The following PPIE variants were observed in gnomAD, a reference collection of about 807,000 sequenced individuals.
PPIE encodes peptidylprolyl isomerase E.
Under a neutral mutation model 38.4 loss-of-function variants are expected in PPIE, and 20 were observed. That is an observed-to-expected ratio of 0.52 (90% CI 0.37 to 0.76). The LOEUF is 0.76. Ranked by LOEUF, PPIE falls within the 30% of genes least tolerant of loss-of-function variation. PPIE has a pLI of 0.00. For synonymous variants in PPIE, 142 were observed against 135.7 expected (o/e 1.05, Z -0.32); for missense variants, 322 against 385.8 (o/e 0.83, Z 1.39).
At chr1:39,763,248 T>C in intron 9 of PPIE, 25 of 1,543,660 alleles carry the variant, frequency 1.6e-5, no homozygotes, top group Non-Finnish European at 2.2e-5. Context: ...TGCCCCTCCC[T>C]GAGCCTCAGG....
rs747872958 is a variant in PPIE, at chr1:39,749,080, C to T, written c.686C>T (p.Thr229Met). 10 of 1,599,326 alleles carry T rather than the reference C, an allele frequency of 6.3e-6. No homozygotes were observed. The highest frequency in any genetic ancestry group is 2.7e-5 in the African/African-American group (2 of 74,336). Reference sequence around the variant, plus strand: ...GATGAAAACTTTATCCTCAAGCATACGGGACCAGGTAGGAGCCAGTTGGCA... The same window carrying T: ...GATGAAAACTTTATCCTCAAGCATATGGGACCAGGTAGGAGCCAGTTGGCA... ...FDDENFILKH[T>M]GPGLLSMANS... The change falls in exon 8 of 10, where the codon ACG becomes ATG. Residue 229 changes from threonine to methionine, a missense_variant. Physicochemically the swap from Thr to Met is moderately conservative, Grantham distance 81. Coordinates refer to ENST00000324379, the MANE Select transcript of PPIE (RefSeq NM_006112.4).
At position 39,753,567 on chromosome 1, in the gene PPIE, G is replaced by C; in HGVS notation, c.*212G>C. ...AGCTGTGGGCCCAGGAGCCAGCTCA[G>C]GTGCTCCCCTCCACCATGGGCAGGC... On this transcript the variant is annotated 3_prime_UTR_variant, in exon 10 of 10. Coordinates refer to ENST00000324379, the MANE Select transcript of PPIE (RefSeq NM_006112.4). 1.4e-6 allele frequency: 2 copies of C among 1,389,304 alleles called. No homozygotes were observed. The allele number at this position is 1,389,304 out of a possible 1,614,324, so 86.1% of individuals were successfully genotyped here.
In PPIE at chr1:39,755,533, GGTCA is replaced by G. The variant is rs1648174746; in HGVS notation, c.*2183_*2186del. 2.0e-6 allele frequency: 2 copies of G among 985,294 alleles called. No homozygotes were observed. The highest frequency in any genetic ancestry group is 1.2e-4 in the Admixed American group (2 of 16,262). The allele number at this position is 985,294 out of a possible 1,614,324, so 61.0% of individuals were successfully genotyped here. A position where few individuals can be genotyped will look rare whatever the true frequency, so the allele number is the denominator to read the frequency against. On this transcript the variant is annotated 3_prime_UTR_variant, in exon 10 of 10. Coordinates refer to ENST00000324379, the MANE Select transcript of PPIE (RefSeq NM_006112.4). ...CTGAGTGCAAATAATGGCCATCAGA[GGTCA>G]GTCACAGGTGTTAGGCAGGCATCTA... is the stretch of plus-strand genomic sequence containing the variant.
At chr1:39,747,462 T>A (rs1423707226) in intron 7 of PPIE, 1 of 140,066 alleles carries the variant, frequency 7.1e-6, no homozygotes, top group Non-Finnish European at 1.5e-5. Flanking sequence ...TCTCTTTTTT[T>A]TTTTTTTTTT....
At chr1:39,739,790 C>T (rs1372849479) in intron 1 of PPIE, among the ~76,000 whole-genome samples, 1 of 152,148 alleles carries the variant, frequency 6.6e-6, no homozygotes, top group African/African-American at 2.4e-5. Flanking sequence ...GAGGTGGGTA[C>T]TGCTAAGGAG....
chr1:39,742,149 T>C, intron 4 of PPIE: 1 of 525,342 alleles, frequency 1.9e-6, no homozygotes, highest in Non-Finnish European at 3.4e-6. Context: ...TGTTGACCAG[T>C]CTCTCACTGG....
Position 39,754,111 on chromosome 1 carries a change from C to T in PPIE, c.*756C>T, listed in dbSNP as rs761398664. 9.5e-5 allele frequency: 92 copies of T among 964,416 alleles called. No homozygotes were observed. Among genetic ancestry groups the T allele is most frequent in the Non-Finnish European group, 1.1e-4 (90 of 810,976 alleles). The allele number at this position is 964,416 out of a possible 1,614,324, so 59.7% of individuals were successfully genotyped here. ...ACAGGAAGCCAACAAACTACATGTG[C>T]CTAATCCAGCCCACTGCCTGTTTTT... On this transcript the variant is annotated 3_prime_UTR_variant, in exon 10 of 10. Transcript: ENST00000324379.
chr1:39,753,628 T>A lies in PPIE; in HGVS notation c.*273T>A. The stretch of plus-strand genomic sequence containing the variant: ...GCCACTGGCTTTTCTCAGCATTTGC[T>A]GCTGGGCCTCTCCTGGGACTACCAG... On this transcript the variant is annotated 3_prime_UTR_variant, in exon 10 of 10. Transcript: ENST00000324379. 1 of 1,307,764 alleles carries A rather than the reference T, an allele frequency of 7.6e-7. No homozygotes were observed. The highest frequency in any genetic ancestry group is 9.7e-7 in the Non-Finnish European group (1 of 1,030,170). The allele number at this position is 1,307,764 out of a possible 1,614,324, so 81.0% of individuals were successfully genotyped here. A position where few individuals can be genotyped will look rare whatever the true frequency, so the allele number is the denominator to read the frequency against.
In PPIE at chr1:39,755,385, G is replaced by C. The variant is rs1048636405; in HGVS notation, c.*2030G>C. 41 of 985,354 alleles carry C rather than the reference G, an allele frequency of 4.2e-5. No homozygotes were observed. The highest frequency in any genetic ancestry group is 4.5e-5 in the Non-Finnish European group (37 of 829,946). 61.0% of individuals were successfully genotyped at this position (985,354 alleles called of 1,614,324 possible). ...GGCTCCCATGTGCCGACTGGACTTT[G>C]TGAGCTCCAGCTGCTACAGTTGACT... On this transcript the variant is annotated 3_prime_UTR_variant, in exon 10 of 10. Coordinates refer to ENST00000324379, the MANE Select transcript of PPIE (RefSeq NM_006112.4).
At chr1:39,743,545 A>G (rs1041796447) in intron 5 of PPIE, among the ~76,000 whole-genome samples, 1 of 152,158 alleles carries the variant, frequency 6.6e-6, no homozygotes, top group Admixed American at 6.5e-5. Context: ...CATCTTTCCC[A>G]GTTTTCTTGA....
In PPIE at chr1:39,755,272, G is replaced by A. The variant is rs1158180474; in HGVS notation, c.*1917G>A. ...CTTTTGCATCTTGGATTGAGATCTG[G>A]ATGAGCCAGGAGGCAGGAGAGGCTA... On this transcript the variant is annotated 3_prime_UTR_variant, in exon 10 of 10. Transcript: ENST00000324379. 1.0e-6 allele frequency: 1 copy of A among 985,356 alleles called. No homozygotes were observed. The highest frequency in any genetic ancestry group is 1.2e-6 in the Non-Finnish European group (1 of 829,948). 61.0% of individuals were successfully genotyped at this position (985,356 alleles called of 1,614,324 possible).
intron 8 of PPIE, among the ~76,000 whole-genome samples, chr1:39,749,659 A>G (rs943965111): frequency 2.0e-4 from 30 of 151,942 alleles, no homozygotes; most frequent in African/African-American, 7.0e-4. Flanking sequence ...CTTTCTTCCA[A>G]TTACAGGGGA....
rs1308469919 is a variant in PPIE at position 39,740,282 on chromosome 1, C to T, written c.130+19C>T. On this transcript the variant is annotated intron_variant, in intron 2 of 9. Transcript: ENST00000324379. ...GAAACAGGTGAGTTAGTGTCTCTCA[C>T]GTTCAGAATCCTCTTACTAGGAAAA... 1.3e-5 allele frequency: 21 copies of T among 1,574,676 alleles called. No homozygotes were observed. The highest frequency in any genetic ancestry group is 1.7e-5 in the Non-Finnish European group (20 of 1,148,576).
Position 39,743,852 on chromosome 1 carries a change from G to C in PPIE, c.312G>C (p.Lys104Asn), listed in dbSNP as rs775953205. 1 of 1,613,938 alleles carries C rather than the reference G, an allele frequency of 6.2e-7. No homozygotes were observed. Among genetic ancestry groups the C allele is most frequent in the South Asian group, 1.1e-5 (1 of 91,076 alleles). Residue 104 changes from lysine to asparagine, a missense_variant, in exon 6 of 10, where the codon AAG becomes AAC. Physicochemically the swap from Lys to Asn is moderately conservative, Grantham distance 94. Transcript: ENST00000324379. ...GGTCAGATGATGACTGGTTGAAGAA[G>C]TTTTCTGGGAAGACGCTTGAAGAGA... is the stretch of plus-strand genomic sequence containing the variant. ...PVWSDDDWLK[K>N]FSGKTLEENK... is the part of the protein sequence containing the mutation.
rs759060269 is a variant in PPIE, at chr1:39,763,239, G to A, written c.838-450G>A. 7.7e-6 allele frequency: 12 copies of A among 1,561,560 alleles called. No individual in the cohort carries two copies. The African/African-American group carries it at 1.6e-4, about 21-fold the overall frequency. On this transcript the variant is annotated intron_variant, in intron 9 of 9. Coordinates refer to the PPIE transcript ENST00000356511. The stretch of plus-strand genomic sequence containing the variant: ...GGGAGAAGGTGAGTCCCATCCATGT[G>A]CCCCTCCCTGAGCCTCAGGGCCCAA...
At chr1:39,760,166 G>A (rs559868170), downstream of PPIE, 68 of 608,256 alleles carry the variant, frequency 1.1e-4, no homozygotes, top group Non-Finnish European at 1.5e-4. Flanking sequence ...CGGGAGAGGC[G>A]TTTGCATTTG....
chr1:39,751,296 A>C (rs1260309946), intron 8 of PPIE, among the ~76,000 whole-genome samples: 1 of 152,252 alleles, frequency 6.6e-6, no homozygotes, highest in Non-Finnish European at 1.5e-5. Context: ...TTAGGTGCAG[A>C]TAACTGTAAA....
At chr1:39,740,039 A>T (rs1329547433) in intron 1 of PPIE, 126 bp from the exon 2 acceptor site, 1 of 649,216 alleles carries the variant, frequency 1.5e-6, no homozygotes, top group East Asian at 2.8e-5. Context: ...TGAGAGGGGG[A>T]TGTTTGTTTA....
chr1:39,762,306 C>T, intron 9 of PPIE: 1 of 521,354 alleles, frequency 1.9e-6, no homozygotes. Context: ...GGCTCGTGTG[C>T]TGCGATTACA....
Sources: gnomAD v4.1 joint callset for allele counts (sites outside exome capture counted in the v4.1 genomes callset) on GRCh38, gnomAD v4.1.1 for gene constraint, MANE v1.5 for transcripts, NCBI Gene and HGNC (gene_info 2026-07-23, HGNC 2026-07-21) for gene names.